Variants in DRC9 observed in about 807,000 individuals in gnomAD.
DRC9 encodes dynein regulatory complex protein 9.
At chr3:197,932,320 C>G in the DRC9 span, 6 of 1,601,036 alleles carry the variant, frequency 3.7e-6, no homozygotes, top group Non-Finnish European at 5.1e-6. Context: ...GAGAAACAGA[C>G]CAACAAAAAA....
chr3:197,914,785 T>A, the DRC9 span, among the ~76,000 whole-genome samples: 1 of 152,098 alleles, frequency 6.6e-6, no homozygotes, highest in Admixed American at 6.6e-5. Context: ...GAGGAGTACA[T>A]TAGACTCTGG....
chr3:197,953,963 T>C, the DRC9 span: 4 of 1,609,958 alleles, frequency 2.5e-6, no homozygotes, highest in Non-Finnish European at 3.4e-6. Flanking sequence ...TATCCAACTA[T>C]ATCAGCTTGT....
chr3:197,943,933 T>G, the DRC9 span: 17 of 1,614,168 alleles, frequency 1.1e-5, no homozygotes, highest in Non-Finnish European at 1.4e-5. Context: ...ATGATTTCTA[T>G]GTCTGTTTCT....
chr3:197,918,385 T>C, the DRC9 span, among the ~76,000 whole-genome samples: 1 of 149,962 alleles, frequency 6.7e-6, no homozygotes, highest in African/African-American at 2.5e-5. Flanking sequence ...ATTACAGGCA[T>C]GAGCCACTGT....
the DRC9 span, among the ~76,000 whole-genome samples, chr3:197,934,181 G>GTTTTTTTTTTTTTTT: frequency 3.6e-5 from 3 of 82,648 alleles, no homozygotes; most frequent in African/African-American, 2.5e-4. Context: ...TTCATTCTGG[G>GTTTTTTTTTTTTTTT]TCTTTTTTTT....
At chr3:197,897,717 G>T in the DRC9 span, among the ~76,000 whole-genome samples, 1 of 150,960 alleles carries the variant, frequency 6.6e-6, no homozygotes, top group Non-Finnish European at 1.5e-5. Context: ...TACATAGTCT[G>T]ACCATAACCA....
the DRC9 span, chr3:197,889,187 G>A: frequency 5.0e-6 from 1 of 199,462 alleles, no homozygotes; most frequent in South Asian, 1.1e-4. Context: ...GCTCATAAGA[G>A]TTTTTTCACT....
chr3:197,953,983 C>A, the DRC9 span: 3 of 1,611,980 alleles, frequency 1.9e-6, no homozygotes, highest in East Asian at 2.2e-5. Flanking sequence ...TATTCCTCTT[C>A]TTTCCCTTTT....
At chr3:197,950,922 T>C in the DRC9 span, 1 of 1,613,718 alleles carries the variant, frequency 6.2e-7, no homozygotes, top group Non-Finnish European at 8.5e-7. Flanking sequence ...ACTAATCTTT[T>C]TGTTTGTTTT....
the DRC9 span, among the ~76,000 whole-genome samples, chr3:197,934,192 T>C: frequency 7.0e-6 from 1 of 143,428 alleles, no homozygotes; most frequent in East Asian, 2.0e-4. Context: ...TCTTTTTTTT[T>C]TTTTTTTTGA....
chr3:197,908,246 G>C, the DRC9 span, among the ~76,000 whole-genome samples: 1 of 131,154 alleles, frequency 7.6e-6, no homozygotes. Context: ...CAGGTCTGAA[G>C]AGTGACCCCT....
chr3:197,926,157 C>G, the DRC9 span: 4 of 1,007,598 alleles, frequency 4.0e-6, no homozygotes, highest in African/African-American at 4.7e-5. Context: ...TCAAAACTTA[C>G]GTGCACAAGG....
chr3:197,901,013 T>C, the DRC9 span, among the ~76,000 whole-genome samples: 3 of 152,132 alleles, frequency 2.0e-5, no homozygotes, highest in Non-Finnish European at 4.4e-5. The surrounding 1 kb of genome is among the most constrained non-coding windows in gnomAD (Gnocchi z 4.4). Flanking sequence ...GTAGTGGCTA[T>C]GGTGAGAGAC....
At chr3:197,950,740 G>A in the DRC9 span, 2 of 601,960 alleles carry the variant, frequency 3.3e-6, no homozygotes, top group South Asian at 4.1e-5. Flanking sequence ...AGTTTGCTTA[G>A]ATACCAGCTG....
chr3:197,915,920 C>T, the DRC9 span, among the ~76,000 whole-genome samples: 2 of 152,194 alleles, frequency 1.3e-5, no homozygotes, highest in Non-Finnish European at 2.9e-5. Context: ...TGAGCCACCA[C>T]GCCTGGCCTC....
At chr3:197,914,803 GAGA>G in the DRC9 span, among the ~76,000 whole-genome samples, 1 of 152,208 alleles carries the variant, frequency 6.6e-6, no homozygotes, top group Non-Finnish European at 1.5e-5. Flanking sequence ...TGGAAGGTCT[GAGA>G]AGGACTCTCT....
chr3:197,914,233 C>G, the DRC9 span, among the ~76,000 whole-genome samples: 1 of 152,198 alleles, frequency 6.6e-6, no homozygotes, highest in African/African-American at 2.4e-5. Flanking sequence ...CACAGCATTT[C>G]TAAGAATCAG....
At chr3:197,929,888 G>A in the DRC9 span, among the ~76,000 whole-genome samples, 3 of 151,760 alleles carry the variant, frequency 2.0e-5, no homozygotes, top group Admixed American at 2.0e-4. The surrounding 1 kb of genome is among the most constrained non-coding windows in gnomAD (Gnocchi z 4.6). Flanking sequence ...GGCGAGGCAG[G>A]CGGATGAACT....
chr3:197,930,774 G>A, the DRC9 span, among the ~76,000 whole-genome samples: 8 of 147,184 alleles, frequency 5.4e-5, no homozygotes, highest in East Asian at 1.6e-3. Flanking sequence ...AAAAGGAAGA[G>A]CCTGTGTTCC....
Sources: gnomAD v4.1 joint callset for allele counts (sites outside exome capture counted in the v4.1 genomes callset) on GRCh38, gnomAD v4.1.1 for gene constraint, Gnocchi (gnomAD v3.1) non-coding constraint, MANE v1.5 for transcripts, NCBI Gene and HGNC (gene_info 2026-07-23, HGNC 2026-07-21) for gene names.